Variants in URI1 observed in about 807,000 individuals in gnomAD.
URI1 encodes unconventional prefoldin RPB5 interactor 1.
In URI1, 39 loss-of-function variants were observed where a neutral mutation model predicts 60.2. The ratio of observed to expected loss-of-function variants is 0.65; its 90% CI spans 0.50 to 0.85. The LOEUF (loss-of-function observed/expected upper bound fraction) is 0.85. URI1 is among the 40% of genes least tolerant of loss of function. The pLI, the probability that URI1 is intolerant of heterozygous loss-of-function variation, is 0.00. For missense variants in URI1, 691 were observed against 665.9 expected (o/e 1.04, Z -0.42); for synonymous variants, 251 against 236.8 (o/e 1.06, Z -0.55).
At chr19:29,936,959 C>G (rs2054978801) in intron 1 of URI1, among the ~76,000 whole-genome samples, 1 of 152,050 alleles carries the variant, frequency 6.6e-6, no homozygotes, top group African/African-American at 2.4e-5. Context: ...ACCATGTTGG[C>G]CAGGCTGATC....
At chr19:29,956,896 T>G in intron 1 of URI1, 1 of 1,271,406 alleles carries the variant, frequency 7.9e-7, no homozygotes, top group Non-Finnish European at 1.1e-6. Flanking sequence ...GCAGGGTTCC[T>G]CTGGGGCCCT....
intron 4 of URI1, among the ~76,000 whole-genome samples, chr19:29,987,006 C>A (rs535692304): frequency 6.6e-6 from 1 of 152,162 alleles, no homozygotes; most frequent in East Asian, 1.9e-4. Context: ...TTTGTTTATC[C>A]GTGCTATTAT....
intron 4 of URI1, among the ~76,000 whole-genome samples, chr19:29,997,652 A>G (rs2055829088): frequency 6.6e-6 from 1 of 151,246 alleles, no homozygotes; most frequent in Non-Finnish European, 1.5e-5. Context: ...GATTTGAAGT[A>G]TTTCTTTTTT....
At chr19:29,933,691 G>A (rs894064425) in intron 1 of URI1, among the ~76,000 whole-genome samples, 6 of 151,526 alleles carry the variant, frequency 4.0e-5, no homozygotes, top group African/African-American at 9.7e-5. Flanking sequence ...GCATGATGGC[G>A]TGTACCTGTA....
At chr19:30,010,430 G>T (rs2145446270) in intron 8 of URI1, among the ~76,000 whole-genome samples, 1 of 152,262 alleles carries the variant, frequency 6.6e-6, no homozygotes, top group Admixed American at 6.5e-5. Context: ...AGAAAAAAAG[G>T]TCGCTTTTTA....
At chr19:29,996,388 G>A (rs1462330956) in intron 4 of URI1, among the ~76,000 whole-genome samples, 3 of 152,052 alleles carry the variant, frequency 2.0e-5, no homozygotes, top group Admixed American at 1.3e-4. Flanking sequence ...ATTGCTCATT[G>A]TTAGTGCATA....
At chr19:29,939,039 A>G (rs1362284817), upstream of URI1, among the ~76,000 whole-genome samples, 1 of 146,246 alleles carries the variant, frequency 6.8e-6, no homozygotes, top group Non-Finnish European at 1.5e-5. Flanking sequence ...GTGCAATGGC[A>G]TGATCTCGGC....
chr19:29,975,204 TC>T (rs2055505617), intron 2 of URI1, among the ~76,000 whole-genome samples: 1 of 152,164 alleles, frequency 6.6e-6, no homozygotes, highest in African/African-American at 2.4e-5. Context: ...GTAAAAGCAT[TC>T]CTTTTCTTTG....
intron 1 of URI1, among the ~76,000 whole-genome samples, chr19:29,953,189 A>G (rs373681695): frequency 3.3e-5 from 5 of 152,348 alleles, no homozygotes; most frequent in South Asian, 4.1e-4. Context: ...TGTGGTAGCC[A>G]TTAACCACAT....
chr19:29,994,311 C>G lies in URI1; in HGVS notation c.367+7894C>G, dbSNP rs556775408. Among the ~76,000 whole-genome samples the G allele has an allele frequency of 2.0e-5, 3 of 152,034 alleles. No homozygotes were observed. The South Asian group carries it at 6.2e-4, about 32-fold the overall frequency. On this transcript the variant is annotated intron_variant, in intron 4 of 10. Transcript: ENST00000392271. ...TCTTTTCCTCCTTTTCCTCCCCTCCCCTCCCTTCCCTTCCCCTCATTCACA... is the reference window on the plus strand; with the variant it reads ...TCTTTTCCTCCTTTTCCTCCCCTCCGCTCCCTTCCCTTCCCCTCATTCACA...
chr19:30,014,579 TGAATG>T (rs1284383417), intron 10 of URI1, among the ~76,000 whole-genome samples: 2 of 152,206 alleles, frequency 1.3e-5, no homozygotes, highest in African/African-American at 4.8e-5. Flanking sequence ...GGGCTGGACA[TGAATG>T]GAATGTATGA....
chr19:29,978,191 G>C (rs2055549260), intron 2 of URI1, among the ~76,000 whole-genome samples: 1 of 152,084 alleles, frequency 6.6e-6, no homozygotes, highest in Non-Finnish European at 1.5e-5. Flanking sequence ...CTAGTTTAAC[G>C]CACTTCTGAA....
At chr19:29,975,560 A>G (rs1036359044) in intron 2 of URI1, among the ~76,000 whole-genome samples, 2 of 139,892 alleles carry the variant, frequency 1.4e-5, no homozygotes, top group Admixed American at 7.8e-5. Context: ...CTAGAGTGCA[A>G]TGGCATGGTT....
chr19:29,992,215 G>A lies in URI1; in HGVS notation c.367+5798G>A, dbSNP rs375514842. 5.3e-5 allele frequency among the ~76,000 whole-genome samples: 8 copies of A among 152,030 alleles called. 1 individual carries two copies. In the South Asian group the frequency reaches 1.2e-3, roughly 24 times the overall value. On this transcript the variant is annotated intron_variant, in intron 4 of 10. Coordinates refer to ENST00000392271, the MANE Select transcript of URI1 (RefSeq NM_003796.3). Reference sequence around the variant, plus strand: ...CTCCCGAGTAGTGGGGATTACAGGCGAGTGCCACCATGCCCAGCTAATCTT... The same window carrying A: ...CTCCCGAGTAGTGGGGATTACAGGCAAGTGCCACCATGCCCAGCTAATCTT...
Position 29,985,208 on chromosome 19 carries a change from G to A in URI1, c.153-15G>A. The A allele has an allele frequency of 1.9e-6, 2 of 1,071,558 alleles. No individual in the cohort carries two copies. Among genetic ancestry groups the A allele is most frequent in the South Asian group, 1.3e-5 (1 of 75,274 alleles). 66.4% of individuals were successfully genotyped at this position (1,071,558 alleles called of 1,614,324 possible). ...ATCGTTAATAATGTGTGTATTTGGTGTTTTCTGTCAACAGGAAGAAGGTAG... is the reference window on the plus strand; with the variant it reads ...ATCGTTAATAATGTGTGTATTTGGTATTTTCTGTCAACAGGAAGAAGGTAG... On this transcript the variant is annotated splice_polypyrimidine_tract_variant and intron_variant, in intron 2 of 10. Coordinates refer to ENST00000392271, the MANE Select transcript of URI1 (RefSeq NM_003796.3).
At chr19:29,991,689 T>G (rs772663783) in intron 4 of URI1, among the ~76,000 whole-genome samples, 2 of 152,160 alleles carry the variant, frequency 1.3e-5, no homozygotes, top group Non-Finnish European at 2.9e-5. Flanking sequence ...AAACTGATCT[T>G]CTGGGGAAAA....
chr19:29,960,532 A>G (rs2055309430), intron 1 of URI1, among the ~76,000 whole-genome samples: 1 of 152,130 alleles, frequency 6.6e-6, no homozygotes, highest in South Asian at 2.1e-4. Flanking sequence ...TTTTATCTCT[A>G]GTAATGCTAC....
intron 1 of URI1, among the ~76,000 whole-genome samples, chr19:29,933,963 T>C (rs1332614653): frequency 5.1e-5 from 7 of 136,318 alleles, no homozygotes; most frequent in African/African-American, 1.9e-4. Context: ...TGAGATGAAG[T>C]CTTGCTCTGT....
At chr19:30,011,008 T>G (rs981319054) in intron 8 of URI1, 86 bp from the exon 9 acceptor site, 278 of 1,433,282 alleles carry the variant, frequency 1.9e-4, no homozygotes, top group Non-Finnish European at 1.7e-4. Context: ...TTACTATTAT[T>G]TTTTTAGTTA....
Sources: allele counts gnomAD v4.1 joint callset (sites outside exome capture counted in the v4.1 genomes callset), GRCh38; gene constraint gnomAD v4.1.1; transcripts MANE v1.5; gene names NCBI Gene and HGNC (gene_info 2026-07-23, HGNC 2026-07-21).